Variants in ANXA8 observed in about 807,000 individuals in gnomAD.
The protein encoded by ANXA8 is VAC-beta.
In ANXA8, 9 loss-of-function variants were observed where a neutral mutation model predicts 26.8. The observed-to-expected ratio is 0.34, with a 90% CI of 0.20 to 0.59. ANXA8 has a LOEUF of 0.59. ANXA8 is among the 20% of genes least tolerant of loss of function. ANXA8 has a pLI of 0.84. For missense variants in ANXA8, 83 were observed against 238.5 expected, an observed-to-expected ratio of 0.35 and a Z score of 4.29; for synonymous variants, 39 against 94.8, an observed-to-expected ratio of 0.41 and a Z score of 3.42.
chr10:47,671,248 C>T, the ANXA8 span, among the ~76,000 whole-genome samples: 1 of 151,682 alleles, frequency 6.6e-6, no homozygotes, highest in African/African-American at 2.4e-5. Flanking sequence ...CATGGTGAAA[C>T]CCCATCTCTA....
At chr10:47,726,673 A>T in the ANXA8 span, among the ~76,000 whole-genome samples, 1 of 152,302 alleles carries the variant, frequency 6.6e-6, no homozygotes, top group Non-Finnish European at 1.5e-5. Context: ...TTGGGGAAAA[A>T]AAAACCTTTT....
the ANXA8 span, among the ~76,000 whole-genome samples, chr10:47,668,894 C>T: frequency 2.0e-5 from 3 of 151,338 alleles, no homozygotes; most frequent in Non-Finnish European, 4.4e-5. Context: ...GGGCACCCTT[C>T]ATGTCAGCTT....
the ANXA8 span, chr10:47,565,097 C>T: frequency 1.1e-4 from 81 of 757,104 alleles, no homozygotes; most frequent in South Asian, 2.4e-4. Flanking sequence ...GAAGGACCAG[C>T]GCCCGTCCAT....
At chr10:47,939,113 A>G in the ANXA8 span, among the ~76,000 whole-genome samples, 5 of 145,294 alleles carry the variant, frequency 3.4e-5, 1 homozygote, top group South Asian at 2.2e-4. Context: ...GACTGCTGAA[A>G]CTGCTCTGCA....
At chr10:47,655,879 G>A in the ANXA8 span, among the ~76,000 whole-genome samples, 1 of 151,864 alleles carries the variant, frequency 6.6e-6, no homozygotes, top group African/African-American at 2.4e-5. Context: ...AATTAGCTGG[G>A]CATGGTGGTG....
the ANXA8 span, among the ~76,000 whole-genome samples, chr10:47,741,759 G>A: frequency 5.3e-5 from 8 of 150,480 alleles, no homozygotes; most frequent in African/African-American, 1.2e-4. Context: ...AATAACCATC[G>A]AATTATACAT....
chr10:47,924,514 C>G, the ANXA8 span, among the ~76,000 whole-genome samples: 1 of 150,544 alleles, frequency 6.6e-6, no homozygotes, highest in Non-Finnish European at 1.5e-5. Flanking sequence ...GACCCTCCAG[C>G]AGAGTGGACA....
the ANXA8 span, among the ~76,000 whole-genome samples, chr10:47,729,509 CAAAAT>C: frequency 4.4e-4 from 61 of 138,534 alleles, 3 homozygotes; most frequent in South Asian, 0.014. Flanking sequence ...AGGACAAATG[CAAAAT>C]AAAATAACAC....
chr10:47,563,788 T>TC, the ANXA8 span: 1 of 673,376 alleles, frequency 1.5e-6, no homozygotes, highest in Non-Finnish European at 2.7e-6. Flanking sequence ...TCGGAACTGA[T>TC]TTTTTTTTAA....
the ANXA8 span, among the ~76,000 whole-genome samples, chr10:47,710,917 T>C: frequency 3.1e-5 from 4 of 128,650 alleles, no homozygotes; most frequent in Non-Finnish European, 6.4e-5. Context: ...TCTTCATTAA[T>C]TAATGGTGGT....
At chr10:47,952,763 CAT>C in the ANXA8 span, among the ~76,000 whole-genome samples, 5 of 148,662 alleles carry the variant, frequency 3.4e-5, 1 homozygote, top group African/African-American at 5.1e-5. Context: ...GTAATGAAGA[CAT>C]GTGGTATAGG....
chr10:47,612,359 A>G, the ANXA8 span, among the ~76,000 whole-genome samples: 3 of 56,450 alleles, frequency 5.3e-5, 1 homozygote, highest in South Asian at 2.3e-3. Flanking sequence ...CTTTGTTAGC[A>G]GAGGGATGAC....
the ANXA8 span, among the ~76,000 whole-genome samples, chr10:47,660,816 A>AAG: frequency 6.6e-6 from 1 of 150,464 alleles, no homozygotes; most frequent in Admixed American, 6.6e-5. Flanking sequence ...GTCAAAAAAA[A>AAG]AAAAAAAAAA....
the ANXA8 span, chr10:47,551,838 C>A: frequency 9.3e-7 from 1 of 1,075,004 alleles, no homozygotes; most frequent in East Asian, 3.2e-5. Context: ...AGCTGGAGAT[C>A]CTGCAGATGC....
the ANXA8 span, among the ~76,000 whole-genome samples, chr10:47,957,363 C>G: frequency 1.3e-5 from 2 of 150,368 alleles, no homozygotes; most frequent in Admixed American, 6.6e-5. Context: ...GCACACCCCT[C>G]AAAACATTTT....
the ANXA8 span, among the ~76,000 whole-genome samples, chr10:47,589,881 G>T: frequency 7.2e-6 from 1 of 138,560 alleles, no homozygotes; most frequent in African/African-American, 3.3e-5. Flanking sequence ...TTTCCTTAAA[G>T]GGAAGGGGAA....
chr10:47,957,188 C>T, the ANXA8 span, among the ~76,000 whole-genome samples: 2 of 150,122 alleles, frequency 1.3e-5, no homozygotes, highest in Admixed American at 6.6e-5. Context: ...CCGATTCTGA[C>T]ATGAACTTCC....
At chr10:47,581,638 G>A in the ANXA8 span, 17 of 412,516 alleles carry the variant, frequency 4.1e-5, 2 homozygotes, top group African/African-American at 2.6e-4. Context: ...ACGGAGTCTC[G>A]CTCTGTCACC....
At chr10:47,585,307 A>G in the ANXA8 span, among the ~76,000 whole-genome samples, 1 of 144,862 alleles carries the variant, frequency 6.9e-6, no homozygotes, top group Non-Finnish European at 1.5e-5. Context: ...TAAATAGGAA[A>G]TACAGTGATT....
Sources: gnomAD v4.1 joint callset for allele counts (sites outside exome capture counted in the v4.1 genomes callset) on GRCh38, gnomAD v4.1.1 for gene constraint, MANE v1.5 for transcripts, NCBI Gene and HGNC (gene_info 2026-07-23, HGNC 2026-07-21) for gene names.